Variants in SRPK2 observed in about 807,000 individuals in gnomAD.
SRPK2 encodes SRSF protein kinase 2.
Under a neutral mutation model 90.8 loss-of-function variants are expected in SRPK2, and 21 were observed. That is an observed-to-expected ratio of 0.23 (90% CI 0.16 to 0.33). The LOEUF (loss-of-function observed/expected upper bound fraction) is 0.33, where lower values mean the gene tolerates loss of function less well. Among genes scored for constraint, SRPK2 ranks in the 10% least tolerant of loss-of-function variants. SRPK2 has a pLI of 1.00. For synonymous variants in SRPK2, 288 were observed against 311.1 expected (o/e 0.93, Z 0.78); for missense variants, 620 against 869.0 (o/e 0.71, Z 3.60).
chr7:105,122,814 C>T (rs368745456), intron 15 of SRPK2, among the ~76,000 whole-genome samples: 2 of 151,922 alleles, frequency 1.3e-5, no homozygotes, highest in South Asian at 2.1e-4. Context: ...CACACACGCG[C>T]GCGCACACAT....
At chr7:105,170,847 GAAAGA>G (rs1790807881) in intron 3 of SRPK2, among the ~76,000 whole-genome samples, 3 of 14,036 alleles carry the variant, frequency 2.1e-4, no homozygotes, top group Admixed American at 9.9e-4. Context: ...AAGAAAGAAA[GAAAGA>G]AAGAAAGAAA....
intron 7 of SRPK2, among the ~76,000 whole-genome samples, chr7:105,159,516 CAA>C (rs1422138369): frequency 7.8e-6 from 1 of 127,430 alleles, no homozygotes; most frequent in African/African-American, 2.9e-5. Context: ...GCAGGCTAAA[CAA>C]AGTTATCTGC....
intron 2 of SRPK2, among the ~76,000 whole-genome samples, chr7:105,331,480 G>C (rs146843736): frequency 5.9e-5 from 9 of 152,106 alleles, no homozygotes; most frequent in Non-Finnish European, 8.8e-5. Context: ...CTTTGGGAGA[G>C]AGAAGGAGAA....
chr7:105,383,330 G>A (rs867002951), intron 2 of SRPK2, among the ~76,000 whole-genome samples: 2 of 150,970 alleles, frequency 1.3e-5, no homozygotes, highest in Non-Finnish European at 2.9e-5. Context: ...GCCTCCCAAA[G>A]TGCTGGGATT....
At chr7:105,139,845 A>G (rs762828548) in intron 11 of SRPK2, among the ~76,000 whole-genome samples, 4 of 151,824 alleles carry the variant, frequency 2.6e-5, no homozygotes, top group Non-Finnish European at 5.9e-5. Flanking sequence ...AGGGTAAGAA[A>G]CCAAAGTTCC....
At chr7:105,370,162 T>A (rs1324389263) in intron 2 of SRPK2, among the ~76,000 whole-genome samples, 1 of 152,166 alleles carries the variant, frequency 6.6e-6, no homozygotes, top group Admixed American at 6.6e-5. Context: ...GCCACAAAAG[T>A]AGGACTGCCA....
intron 2 of SRPK2, among the ~76,000 whole-genome samples, chr7:105,290,230 G>A (rs1277854193): frequency 6.8e-6 from 1 of 147,284 alleles, no homozygotes; most frequent in Non-Finnish European, 1.5e-5. Context: ...AAACAGATTT[G>A]CAAGATGTAG....
At chr7:105,279,177 C>G (rs1426643783) in intron 2 of SRPK2, among the ~76,000 whole-genome samples, 1 of 144,444 alleles carries the variant, frequency 6.9e-6, no homozygotes, top group Non-Finnish European at 1.5e-5. Context: ...TCGCTCCAAA[C>G]TTTACAGTGG....
At chr7:105,386,037 G>A (rs1044364029) in intron 2 of SRPK2, among the ~76,000 whole-genome samples, 2 of 152,134 alleles carry the variant, frequency 1.3e-5, no homozygotes, top group Non-Finnish European at 2.9e-5. Flanking sequence ...ATCACCGGCC[G>A]GGCTTGGTGG....
chr7:105,273,303 T>C (rs551155552), intron 2 of SRPK2, among the ~76,000 whole-genome samples: 1 of 152,260 alleles, frequency 6.6e-6, no homozygotes, highest in African/African-American at 2.4e-5. Flanking sequence ...CTAGTCTACG[T>C]GGCTCCCCAA....
At chr7:105,159,807 C>T (rs1448844671) in intron 7 of SRPK2, among the ~76,000 whole-genome samples, 2 of 152,168 alleles carry the variant, frequency 1.3e-5, no homozygotes, top group African/African-American at 2.4e-5. Flanking sequence ...ATGAGTTAAA[C>T]ATTTCCATTT....
chr7:105,386,586 G>A (rs1189481447), intron 2 of SRPK2, among the ~76,000 whole-genome samples: 2 of 151,774 alleles, frequency 1.3e-5, no homozygotes, highest in Non-Finnish European at 2.9e-5. Context: ...GCTTGGTGGC[G>A]GGTGCCTGTA....
chr7:105,389,196 C>G (rs1262106448), upstream of SRPK2: 15 of 1,121,384 alleles, frequency 1.3e-5, no homozygotes, highest in Admixed American at 5.9e-4. Flanking sequence ...TCCCGGGCAC[C>G]GGACCCGCGG....
At chr7:105,331,847 G>A (rs1563249426) in intron 2 of SRPK2, among the ~76,000 whole-genome samples, 2 of 152,164 alleles carry the variant, frequency 1.3e-5, no homozygotes, top group South Asian at 4.1e-4. Context: ...TGACATCAAA[G>A]CTGACGACAG....
intron 2 of SRPK2, among the ~76,000 whole-genome samples, chr7:105,300,889 G>GA (rs550919211): frequency 6.6e-6 from 1 of 152,198 alleles, no homozygotes; most frequent in Non-Finnish European, 1.5e-5. Flanking sequence ...AGGATGTGGA[G>GA]AAAACAGGAA....
chr7:105,131,498 T>C (rs1210279087), intron 13 of SRPK2, among the ~76,000 whole-genome samples: 4 of 152,234 alleles, frequency 2.6e-5, no homozygotes, highest in Non-Finnish European at 5.9e-5. Flanking sequence ...TTAAACGTTA[T>C]TGTCTGGTAT....
At position 105,117,880 on chromosome 7, in the gene SRPK2, G is replaced by T. The variant is rs1799784078; in HGVS notation, c.2058C>A (p.Ala686=). Residue 686 remains alanine, a synonymous_variant, in exon 16 of 16, where the codon GCC becomes GCA. Coordinates refer to ENST00000393651, the MANE Select transcript of SRPK2 (RefSeq NM_182692.3). The stretch of plus-strand genomic sequence containing the variant: ...GATGCCGAAGGCATTCGCCAGCTGA[G>T]GCTCGTTTTTCTGGAACCATTTCTA... The part of the protein sequence containing the change: ...PMLEMVPEKR[A]SAGECLRHPW... 6 of 1,613,392 alleles carry T rather than the reference G, an allele frequency of 3.7e-6. No homozygotes were observed. The highest frequency in any genetic ancestry group is 5.1e-6 in the Non-Finnish European group (6 of 1,180,042).
At chr7:105,306,517 A>T (rs1331533695) in intron 2 of SRPK2, 1 of 453,898 alleles carries the variant, frequency 2.2e-6, no homozygotes, top group East Asian at 7.0e-5. Flanking sequence ...TTGAAATCTC[A>T]TGAAGGAAAG....
At chr7:105,226,991 C>T (rs2129618260) in intron 2 of SRPK2, among the ~76,000 whole-genome samples, 1 of 152,262 alleles carries the variant, frequency 6.6e-6, no homozygotes, top group East Asian at 1.9e-4. Context: ...GTCATCTGCT[C>T]AGCAGCAAAT....
Sources: gnomAD v4.1 joint callset for allele counts (sites outside exome capture counted in the v4.1 genomes callset) on GRCh38, gnomAD v4.1.1 for gene constraint, MANE v1.5 for transcripts, NCBI Gene and HGNC (gene_info 2026-07-23, HGNC 2026-07-21) for gene names.